Variants in RRN3 observed in about 807,000 individuals in gnomAD.
RRN3 encodes the protein RNA polymerase I transcription factor RRN3, also known as RNA polymerase I-specific transcription initiation factor RRN3.
RRN3 carries 38 observed loss-of-function variants against 82.3 expected under a neutral mutation model. The ratio of observed to expected loss-of-function variants is 0.46; its 90% CI spans 0.36 to 0.61. The LOEUF is 0.61. Among genes scored for constraint, RRN3 ranks in the 20% least tolerant of loss-of-function variants. The pLI, the probability that RRN3 is intolerant of heterozygous loss-of-function variation, is 0.00. For synonymous variants in RRN3, 284 were observed against 284.3 expected (o/e 1.00, Z 0.01); for missense variants, 726 against 793.1 (o/e 0.92, Z 1.02).
At chr16:15,069,333 G>A (rs948193897) in intron 14 of RRN3, among the ~76,000 whole-genome samples, 3 of 152,290 alleles carry the variant, frequency 2.0e-5, no homozygotes, top group Non-Finnish European at 2.9e-5. Flanking sequence ...AATGGCAATC[G>A]TGCAGGGTTC....
At chr16:15,070,277 T>G (rs2045166394) in intron 13 of RRN3, 23 bp from the exon 14 acceptor site, 1 of 1,610,992 alleles carries the variant, frequency 6.2e-7, no homozygotes, top group Non-Finnish European at 8.5e-7. Flanking sequence ...AAAATTCAAG[T>G]CAACTTTACA....
chr16:15,060,526 A>T lies in RRN3; in HGVS notation c.*1218T>A, dbSNP rs1479629882. ...CTTGCCTTTAAATAAAGTGGCAGAA[A>T]ATAAATATGCTTAAAGATGGCCATT... On this transcript the variant is annotated 3_prime_UTR_variant, in exon 18 of 18. Coordinates refer to ENST00000198767, the MANE Select transcript of RRN3 (RefSeq NM_018427.5). The T allele has an allele frequency of 6.5e-6, 1 of 154,680 alleles. No homozygotes were observed. Among genetic ancestry groups the T allele is most frequent in the Non-Finnish European group, 1.4e-5 (1 of 69,598 alleles). The allele number at this position is 154,680 out of a possible 1,614,324, so 9.6% of individuals were successfully genotyped here. A position where few individuals can be genotyped will look rare whatever the true frequency, so the allele number is the denominator to read the frequency against.
Position 15,085,647 on chromosome 16 carries a change from T to C in RRN3, c.524A>G (p.Glu175Gly). ...GDVDVSDSDDEDDNLPANFDT... is the reference protein window; with the variant it reads ...GDVDVSDSDDGDDNLPANFDT... The stretch of plus-strand genomic sequence containing the variant: ...AACCTTTTTATACTTACTATCATCT[T>C]CATCATCAGAATCTGAAACATCTAC... The change falls in exon 6 of 18, where the codon GAA (glutamate) becomes GGA (glycine). Residue 175 changes from glutamate to glycine, a missense_variant. Glu to Gly is a moderately conservative substitution (Grantham distance 98). This residue lies in a region of RRN3 where 344 missense variants were observed against 394.5 expected (regional missense o/e 0.87). Transcript: ENST00000198767. The C allele has an allele frequency of 6.2e-7, 1 of 1,613,396 alleles. No homozygotes were observed. The highest frequency in any genetic ancestry group is 8.5e-7 in the Non-Finnish European group (1 of 1,179,602).
In RRN3 at chr16:15,060,198, C is replaced by T. The variant is rs920654078; in HGVS notation, c.*1546G>A. ...ACTACTTCCCAACCCACAAAGACCCCACTTACTACTAATTTCTGGGGAATT... is the reference window on the plus strand; with the variant it reads ...ACTACTTCCCAACCCACAAAGACCCTACTTACTACTAATTTCTGGGGAATT... On this transcript the variant is annotated 3_prime_UTR_variant, in exon 18 of 18. Transcript: ENST00000198767. The T allele has an allele frequency of 4.9e-6, 2 of 404,438 alleles. No individual in the cohort carries two copies. Among genetic ancestry groups the T allele is most frequent in the Non-Finnish European group, 9.8e-6 (2 of 203,806 alleles). The allele number at this position is 404,438 out of a possible 1,614,324, so 25.1% of individuals were successfully genotyped here. A position where few individuals can be genotyped will look rare whatever the true frequency, so the allele number is the denominator to read the frequency against.
At chr16:15,074,964 A>C in intron 10 of RRN3, 103 bp from the exon 11 acceptor site, 1 of 1,217,672 alleles carries the variant, frequency 8.2e-7, no homozygotes. Context: ...AGATAAAACA[A>C]AGAGGCTGGG....
intron 8 of RRN3, among the ~76,000 whole-genome samples, chr16:15,082,164 T>C (rs535129283): frequency 6.6e-6 from 1 of 152,322 alleles, no homozygotes; most frequent in Non-Finnish European, 1.5e-5. Context: ...TTGTTCTTTG[T>C]CTTAGGAAAA....
chr16:15,081,958 G>C (rs1349541699), intron 8 of RRN3, among the ~76,000 whole-genome samples: 3 of 152,152 alleles, frequency 2.0e-5, no homozygotes, highest in Admixed American at 2.0e-4. Flanking sequence ...GTGTATGTTA[G>C]TCTTCTGTCC....
chr16:15,081,240 G>A (rs1413122926), intron 8 of RRN3, among the ~76,000 whole-genome samples: 1 of 152,178 alleles, frequency 6.6e-6, no homozygotes, highest in Non-Finnish European at 1.5e-5. Context: ...ACCCAGAAAT[G>A]GAACTGCTGA....
chr16:15,082,283 G>GT (rs753449233), intron 8 of RRN3, among the ~76,000 whole-genome samples: 1 of 152,096 alleles, frequency 6.6e-6, no homozygotes, highest in Non-Finnish European at 1.5e-5. Flanking sequence ...GGATATTGGT[G>GT]TTTGTCACAC....
At chr16:15,084,763 T>C (rs1340862643) in intron 6 of RRN3, 58 bp from the exon 7 acceptor site, 26 of 1,213,452 alleles carry the variant, frequency 2.1e-5, no homozygotes, top group Non-Finnish European at 2.9e-5. Flanking sequence ...GGCGACACGC[T>C]TGAAGCTAAA....
chr16:15,074,992 A>G (rs2045390192), intron 10 of RRN3, 131 bp from the exon 11 acceptor site: 2 of 910,624 alleles, frequency 2.2e-6, no homozygotes, highest in Admixed American at 2.9e-5. Context: ...GCTCACATCT[A>G]TAAGCCCAGC....
rs750109619 is a variant in RRN3, at chr16:15,065,263, G to A, written c.1662C>T (p.Asn554=). ...CAAAGGGGAAGAAGGTGTCCAGCGG[G>A]TTTGTGCAGATCTGCACTGAGTCTC... is the stretch of plus-strand genomic sequence containing the variant. ...AGGDSVQICT[N]PLDTFFPFDP... Residue 554 remains asparagine, a synonymous_variant, in exon 16 of 18, where the codon AAC becomes AAT. Transcript: ENST00000198767. 4 of 1,613,884 alleles carry A rather than the reference G, an allele frequency of 2.5e-6. No individual in the cohort carries two copies. Among genetic ancestry groups the A allele is most frequent in the Non-Finnish European group, 3.4e-6 (4 of 1,179,842 alleles).
At chr16:15,072,696 T>C (rs1185264945) in intron 12 of RRN3, among the ~76,000 whole-genome samples, 4 of 151,832 alleles carry the variant, frequency 2.6e-5, no homozygotes, top group Admixed American at 2.6e-4. Flanking sequence ...ATCGAGAGGG[T>C]AAGGACTGAG....
At chr16:15,074,283 G>A (rs1003370075) in intron 11 of RRN3, among the ~76,000 whole-genome samples, 16 of 152,032 alleles carry the variant, frequency 1.1e-4, no homozygotes, top group African/African-American at 2.4e-4. Flanking sequence ...TTCTGTTTTC[G>A]CCTGGCAAAG....
At chr16:15,093,848 G>A (rs954524953) in intron 1 of RRN3, 1 of 449,510 alleles carries the variant, frequency 2.2e-6, no homozygotes, top group African/African-American at 2.1e-5. Flanking sequence ...ACGAAGAAGA[G>A]GGAAGGAAGA....
Position 15,086,378 on chromosome 16 carries a change from A to C in RRN3, c.329T>G (p.Ile110Ser), listed in dbSNP as rs1185398696. Reference protein sequence around the residue: ...MYLTKDFEQLISIILRLPWLN... With the variant: ...MYLTKDFEQLSSIILRLPWLN... ...TGGTGAACTTACTAATATAATACTG[A>C]TAAGTTGCTCAAAGTCTTTTGTCAA... Residue 110 changes from isoleucine (I) to serine (S), a missense_variant, in exon 4 of 18, where the codon ATC (isoleucine) becomes AGC (serine). Ile to Ser is a moderately radical substitution (Grantham distance 142). Around this residue, in one of 4 missense-constraint regions of RRN3, gnomAD observed 344 missense variants for 394.5 expected, o/e 0.87. Coordinates refer to ENST00000198767, the MANE Select transcript of RRN3 (RefSeq NM_018427.5). The C allele has an allele frequency of 6.2e-7, 1 of 1,613,630 alleles. No individual in the cohort carries two copies. Among genetic ancestry groups the C allele is most frequent in the African/African-American group, 1.3e-5 (1 of 74,914 alleles).
chr16:15,079,062 G>A (rs951177877), intron 9 of RRN3, among the ~76,000 whole-genome samples: 44 of 151,888 alleles, frequency 2.9e-4, no homozygotes, highest in South Asian at 6.3e-4. Context: ...CGCCCGCCTC[G>A]GCCTCCCAAA....
chr16:15,084,594 C>A (rs1010956572), intron 7 of RRN3, 48 bp downstream of exon 7: 6 of 1,320,074 alleles, frequency 4.5e-6, no homozygotes, highest in Non-Finnish European at 5.4e-6. Flanking sequence ...TAATTGATTA[C>A]AATTTTCTTG....
intron 14 of RRN3, among the ~76,000 whole-genome samples, chr16:15,068,894 T>G (rs894056919): frequency 1.3e-5 from 2 of 152,192 alleles, no homozygotes; most frequent in African/African-American, 2.4e-5. Flanking sequence ...TGTACTTAAG[T>G]ATATTTTCTT....
Sources: allele counts gnomAD v4.1 joint callset (sites outside exome capture counted in the v4.1 genomes callset), GRCh38; gene constraint gnomAD v4.1.1; regional missense constraint gnomAD v4.1.1; transcripts MANE v1.5; gene names NCBI Gene and HGNC (gene_info 2026-07-23, HGNC 2026-07-21).